Variants in MYO18B observed in about 807,000 individuals in gnomAD.
MYO18B encodes the protein unconventional myosin-XVIIIb.
In MYO18B, 204 loss-of-function variants were observed where a neutral mutation model predicts 273.0. The ratio of observed to expected loss-of-function variants is 0.75; its 90% CI spans 0.67 to 0.84. The LOEUF (loss-of-function observed/expected upper bound fraction) is 0.84. MYO18B is among the 40% of genes least tolerant of loss of function. The pLI is 0.00. For missense variants in MYO18B, 3,212 were observed against 3,287.6 expected, an observed-to-expected ratio of 0.98 and a Z score of 0.56; for synonymous variants, 1,330 against 1,305.7, an observed-to-expected ratio of 1.02 and a Z score of -0.40.
chr22:26,017,339 TCTTCCTTC>T (rs772489837), intron 42 of MYO18B, among the ~76,000 whole-genome samples: 1 of 143,536 alleles, frequency 7.0e-6, no homozygotes, highest in Non-Finnish European at 1.5e-5. Context: ...ACATTTTCCT[TCTTCCTTC>T]CTTCCTTCCT....
At chr22:26,059,438 T>C in the MYO18B span, among the ~76,000 whole-genome samples, 2 of 152,182 alleles carry the variant, frequency 1.3e-5, no homozygotes, top group African/African-American at 4.8e-5. Flanking sequence ...CATTTCCACT[T>C]TGGAATTCTA....
intron 12 of MYO18B, among the ~76,000 whole-genome samples, chr22:25,802,896 C>T (rs899945070): frequency 1.3e-5 from 2 of 152,006 alleles, no homozygotes; most frequent in South Asian, 2.1e-4. Flanking sequence ...GGATGTTTGA[C>T]ATGAATGCAA....
chr22:25,917,145 A>C (rs1296120072), intron 33 of MYO18B, among the ~76,000 whole-genome samples: 1 of 152,240 alleles, frequency 6.6e-6, no homozygotes, highest in Admixed American at 6.5e-5. Context: ...AACCTTGTTA[A>C]ATTTTTATTT....
At chr22:25,994,162 G>A (rs1214695372) in intron 40 of MYO18B, among the ~76,000 whole-genome samples, 1 of 152,160 alleles carries the variant, frequency 6.6e-6, no homozygotes, top group Non-Finnish European at 1.5e-5. Context: ...GAGAGCCACT[G>A]GACTCTAAAA....
intron 34 of MYO18B, among the ~76,000 whole-genome samples, chr22:25,939,400 A>G (rs1025021947): frequency 3.3e-5 from 5 of 152,246 alleles, no homozygotes; most frequent in African/African-American, 1.2e-4. Context: ...AGCATGTTCC[A>G]TCTTGTATTC....
chr22:25,769,169 C>G lies in MYO18B; in HGVS notation c.1253C>G (p.Ala418Gly), dbSNP rs1342102044. 1.2e-6 allele frequency: 2 copies of G among 1,612,434 alleles called. No individual in the cohort carries two copies. Among genetic ancestry groups the G allele is most frequent in the African/African-American group, 2.7e-5 (2 of 74,904 alleles). Residue 418 changes from alanine to glycine, a missense_variant, in exon 4 of 44, where the codon GCC becomes GGC. Coordinates refer to ENST00000335473, the MANE Select transcript of MYO18B (RefSeq NM_032608.7). The stretch of plus-strand genomic sequence containing the variant: ...AGTCAGACAGAGAAGGGCTGTGAAG[C>G]CCCAAAGGAGGTGAGCACAATGGTG... ...ARSQTEKGCE[A>G]PKEVSTMVES... is the part of the protein sequence containing the mutation.
intron 13 of MYO18B, 43 bp from the exon 14 acceptor site, chr22:25,826,366 C>A (rs1472517779): frequency 2.6e-6 from 4 of 1,529,302 alleles, no homozygotes; most frequent in Non-Finnish European, 2.7e-6. Flanking sequence ...TGGCCCCAGG[C>A]AAGATCCCTA....
chr22:25,748,423 G>A (rs955164531), intron 1 of MYO18B, among the ~76,000 whole-genome samples: 2 of 152,112 alleles, frequency 1.3e-5, no homozygotes, highest in Admixed American at 1.3e-4. Flanking sequence ...TCGGAGCTCT[G>A]GTTCCAAGGA....
the MYO18B span, among the ~76,000 whole-genome samples, chr22:26,055,606 GA>G: frequency 2.6e-5 from 4 of 152,214 alleles, no homozygotes. Flanking sequence ...AAACCACTTT[GA>G]AACTCTTTAT....
chr22:25,993,808 A>G (rs775931499), intron 40 of MYO18B, among the ~76,000 whole-genome samples: 10 of 152,116 alleles, frequency 6.6e-5, no homozygotes, highest in East Asian at 1.9e-4. Flanking sequence ...AGACATCTAT[A>G]TTGTCTATAT....
chr22:25,958,981 G>T (rs2092886130), intron 39 of MYO18B: 1 of 152,140 alleles, frequency 6.6e-6, no homozygotes, highest in South Asian at 2.1e-4. Flanking sequence ...CTTTATGCTG[G>T]ATACCCAGTG....
chr22:25,922,269 G>A (rs5761316), intron 34 of MYO18B, among the ~76,000 whole-genome samples: 24,045 of 152,054 alleles, frequency 0.16, 2,340 homozygotes, highest in South Asian at 0.27. Flanking sequence ...CAGGAGGAGC[G>A]GCAGGTCTGA....
chr22:25,760,434 A>AAAAAAAAAAAAAAAAAAC (rs59165419), intron 1 of MYO18B, among the ~76,000 whole-genome samples: 1 of 111,530 alleles, frequency 9.0e-6, no homozygotes, highest in African/African-American at 3.5e-5. Context: ...AAAAAAAAAA[A>AAAAAAAAAAAAAAAAAAC]CACAAAAACA....
rs1474125306 is a variant in MYO18B at position 25,763,298 on chromosome 22, G to T, written c.107G>T (p.Gly36Val). The T allele has an allele frequency of 2.5e-6, 4 of 1,612,898 alleles. No individual in the cohort carries two copies. Among genetic ancestry groups the T allele is most frequent in the Non-Finnish European group, 3.4e-6 (4 of 1,179,650 alleles). Residue 36 changes from glycine to valine, a missense_variant, in exon 3 of 44, where the codon GGC becomes GTC. By Grantham distance (109) the Gly-to-Val change is moderately radical. Coordinates refer to ENST00000335473, the MANE Select transcript of MYO18B (RefSeq NM_032608.7). ...PPPLFSVIPG[G>V]FIKQLVRGTE... ...CCTCTTTTCTCTGTCATCCCAGGGG[G>T]CTTCATTAAGCAACTGGTCCGGGGG...
intron 34 of MYO18B, among the ~76,000 whole-genome samples, chr22:25,934,389 G>A (rs1375008090): frequency 1.3e-5 from 2 of 152,048 alleles, no homozygotes; most frequent in Non-Finnish European, 2.9e-5. Context: ...TGTTTAGCTG[G>A]ATATTCTGGT....
At chr22:25,961,356 C>G (rs2092916519) in intron 39 of MYO18B, among the ~76,000 whole-genome samples, 1 of 152,158 alleles carries the variant, frequency 6.6e-6, no homozygotes, top group African/African-American at 2.4e-5. Context: ...ATTTTTCCAC[C>G]TCTGGTTGTC....
At chr22:25,863,491 G>C (rs1450465199) in intron 21 of MYO18B, among the ~76,000 whole-genome samples, 1 of 152,074 alleles carries the variant, frequency 6.6e-6, no homozygotes, top group Admixed American at 6.6e-5. Flanking sequence ...AACTTGTTTT[G>C]ACTAAAATTA....
chr22:25,823,259 T>G (rs1309763207), intron 12 of MYO18B, among the ~76,000 whole-genome samples: 1 of 152,194 alleles, frequency 6.6e-6, no homozygotes, highest in Non-Finnish European at 1.5e-5. Context: ...CATGATATTT[T>G]TAATCGCTTT....
intron 1 of MYO18B, among the ~76,000 whole-genome samples, chr22:25,750,458 C>CT (rs927135869): frequency 3.3e-5 from 5 of 152,228 alleles, no homozygotes; most frequent in South Asian, 4.2e-4. Context: ...CTCCAGCATC[C>CT]TTTTTTTCCC....
Sources: gnomAD v4.1 joint callset for allele counts (sites outside exome capture counted in the v4.1 genomes callset) on GRCh38, gnomAD v4.1.1 for gene constraint, MANE v1.5 for transcripts, NCBI Gene and HGNC (gene_info 2026-07-23, HGNC 2026-07-21) for gene names.